Variants in PLXDC1 observed in about 807,000 individuals in gnomAD.
PLXDC1 encodes plexin domain containing 1.
A neutral mutation model predicts 61.3 loss-of-function variants in PLXDC1; 39 were observed. The ratio of observed to expected loss-of-function variants is 0.64; its 90% CI spans 0.49 to 0.83. The LOEUF (loss-of-function observed/expected upper bound fraction) is 0.83. PLXDC1 is among the 40% of genes least tolerant of loss of function. PLXDC1 has a pLI of 0.00. For synonymous variants in PLXDC1, 212 were observed against 254.5 expected (o/e 0.83, Z 1.59); for missense variants, 596 against 666.5 (o/e 0.89, Z 1.17).
intron 7 of PLXDC1, among the ~76,000 whole-genome samples, chr17:39,103,507 C>T (rs531042234): frequency 4.6e-5 from 7 of 152,174 alleles, no homozygotes; most frequent in African/African-American, 7.2e-5. Context: ...GGGGACACTG[C>T]GCTCCAGCCT....
At chr17:39,078,106 G>A in intron 10 of PLXDC1, 58 bp from the exon 11 acceptor site, 1 of 1,475,756 alleles carries the variant, frequency 6.8e-7, no homozygotes, top group Non-Finnish European at 9.0e-7. Flanking sequence ...CCTTCATCCT[G>A]AAAGCATCTT....
intron 7 of PLXDC1, among the ~76,000 whole-genome samples, chr17:39,091,491 C>T (rs915672597): frequency 6.6e-6 from 1 of 152,138 alleles, no homozygotes; most frequent in Non-Finnish European, 1.5e-5. Flanking sequence ...TCCCTCCCTT[C>T]CTTCCATCCC....
At chr17:39,127,943 C>CAAAAA (rs35444362) in intron 2 of PLXDC1, among the ~76,000 whole-genome samples, 10 of 52,912 alleles carry the variant, frequency 1.9e-4, no homozygotes, top group Middle Eastern at 0.019. Flanking sequence ...CTCCATCTCA[C>CAAAAA]AAAAAAAAAA....
intron 1 of PLXDC1, 84 bp from the exon 2 acceptor site, chr17:39,139,916 G>A: frequency 1.5e-6 from 2 of 1,324,678 alleles, no homozygotes; most frequent in Non-Finnish European, 2.1e-6. Flanking sequence ...TTCTGCAAGG[G>A]CCCCAACACC....
chr17:39,141,706 T>C (rs1054858155), intron 1 of PLXDC1, among the ~76,000 whole-genome samples: 1 of 152,168 alleles, frequency 6.6e-6, no homozygotes, highest in African/African-American at 2.4e-5. Context: ...TTTTGAGGAA[T>C]TGTCATACTG....
chr17:39,147,332 G>A (rs73983238), intron 1 of PLXDC1, among the ~76,000 whole-genome samples: 10 of 152,116 alleles, frequency 6.6e-5, no homozygotes, highest in Non-Finnish European at 1.3e-4. Context: ...ATTCCCACAC[G>A]TTGGCCACCC....
intron 9 of PLXDC1, 112 bp from the exon 10 acceptor site, chr17:39,079,276 C>T: frequency 1.1e-6 from 1 of 880,738 alleles, no homozygotes; most frequent in South Asian, 1.4e-5. Context: ...CCAAGGTCCC[C>T]AGGCTGAGGT....
At position 39,086,012 on chromosome 17, in the gene PLXDC1, C is replaced by G. The variant is rs74404230; in HGVS notation, c.907+1595G>C. On this transcript the variant is annotated intron_variant, in intron 8 of 13. Transcript: ENST00000315392. ...ATTTCTCATCAACATTTCAGATGGC[C>G]TGAATGCTATTAAATGCTCACAAAA... Among the ~76,000 whole-genome samples, 599 of 152,258 alleles carry G rather than the reference C, an allele frequency of 3.9e-3. 25 individuals carry two copies. In the East Asian group the frequency reaches 0.091, roughly 23 times the overall value.
intron 2 of PLXDC1, among the ~76,000 whole-genome samples, chr17:39,129,251 G>C (rs912046313): frequency 9.3e-5 from 14 of 150,984 alleles, no homozygotes; most frequent in African/African-American, 3.4e-4. Flanking sequence ...CCAGGAGACA[G>C]AGGTTGCAGT....
At chr17:39,077,381 C>G (rs995629327) in intron 11 of PLXDC1, among the ~76,000 whole-genome samples, 1 of 152,042 alleles carries the variant, frequency 6.6e-6, no homozygotes, top group African/African-American at 2.4e-5. Context: ...GCAGGGAAGC[C>G]CCTAGATTGC....
At chr17:39,120,438 CTGACATATCACA>C (rs1911125485) in intron 2 of PLXDC1, among the ~76,000 whole-genome samples, 1 of 152,028 alleles carries the variant, frequency 6.6e-6, no homozygotes, top group African/African-American at 2.4e-5. Flanking sequence ...GAGTCTTGCT[CTGACATATCACA>C]TGACATATCA....
intron 8 of PLXDC1, 78 bp downstream of exon 8, chr17:39,087,529 A>G (rs1344575372): frequency 1.8e-6 from 2 of 1,115,428 alleles, no homozygotes; most frequent in Non-Finnish European, 2.7e-6. Context: ...AACAGGAGTC[A>G]GTCATGGGCC....
intron 11 of PLXDC1, among the ~76,000 whole-genome samples, chr17:39,075,051 C>T (rs1909271553): frequency 6.6e-6 from 1 of 152,130 alleles, no homozygotes; most frequent in South Asian, 2.1e-4. Flanking sequence ...CCTCAACCTC[C>T]TAGGCTTAAC....
intron 7 of PLXDC1, among the ~76,000 whole-genome samples, chr17:39,092,627 G>A (rs929960472): frequency 2.0e-5 from 3 of 152,196 alleles, no homozygotes; most frequent in African/African-American, 4.8e-5. Context: ...GACAGACATC[G>A]CTGCTCTCCC....
intron 1 of PLXDC1, among the ~76,000 whole-genome samples, chr17:39,143,055 T>C (rs1022074352): frequency 3.3e-5 from 5 of 152,246 alleles, no homozygotes; most frequent in Non-Finnish European, 5.9e-5. Flanking sequence ...GGAGAATTGC[T>C]TGAACCTGGG....
At chr17:39,078,774 C>T (rs535650284) in intron 10 of PLXDC1, among the ~76,000 whole-genome samples, 1 of 152,200 alleles carries the variant, frequency 6.6e-6, no homozygotes, top group Non-Finnish European at 1.5e-5. Context: ...TTAAGGTCAG[C>T]AGGTGCACAG....
chr17:39,085,872 C>T (rs1460057581), intron 8 of PLXDC1, among the ~76,000 whole-genome samples: 1 of 152,136 alleles, frequency 6.6e-6, no homozygotes, highest in Non-Finnish European at 1.5e-5. Context: ...CAGGTGGGAG[C>T]CCTGCCCTTG....
At chr17:39,080,274 CT>C (rs1909504473) in intron 9 of PLXDC1, 1 of 137,088 alleles carries the variant, frequency 7.3e-6, no homozygotes, top group East Asian at 2.4e-4. Context: ...AAGACCCTGT[CT>C]CTTAAAAAAA....
rs901054673 is a variant in PLXDC1 at position 39,065,839 on chromosome 17, C to T, written c.*2001G>A. On this transcript the variant is annotated 3_prime_UTR_variant, in exon 14 of 14. Transcript: ENST00000315392. ...GTAGGTACTTCACACACTGTGCACACCCATCTCAGGCAGCCGTAGACCCCT... is the reference window on the plus strand; with the variant it reads ...GTAGGTACTTCACACACTGTGCACATCCATCTCAGGCAGCCGTAGACCCCT... 5.3e-5 allele frequency: 8 copies of T among 152,366 alleles called. No homozygotes were observed. Among genetic ancestry groups the T allele is most frequent in the African/African-American group, 1.9e-4 (8 of 41,456 alleles). The allele number at this position is 152,366 out of a possible 1,614,324, so 9.4% of individuals were successfully genotyped here. A position where few individuals can be genotyped will look rare whatever the true frequency, so the allele number is the denominator to read the frequency against.
Sources: allele counts gnomAD v4.1 joint callset (sites outside exome capture counted in the v4.1 genomes callset), GRCh38; gene constraint gnomAD v4.1.1; transcripts MANE v1.5; gene names NCBI Gene and HGNC (gene_info 2026-07-23, HGNC 2026-07-21).